Variants in NYAP2 observed in about 807,000 individuals in gnomAD.
NYAP2 encodes neuronal tyrosine-phosphorylated phosphoinositide-3-kinase adaptor 2.
A neutral mutation model predicts 50.4 loss-of-function variants in NYAP2; 23 were observed. The ratio of observed to expected loss-of-function variants is 0.46; its 90% CI spans 0.33 to 0.65. The LOEUF (loss-of-function observed/expected upper bound fraction) is 0.65, where lower values mean the gene tolerates loss of function less well. Among genes scored for constraint, NYAP2 ranks in the 30% least tolerant of loss-of-function variants. NYAP2 has a pLI of 0.02. For synonymous variants in NYAP2, 394 were observed against 365.2 expected, an observed-to-expected ratio of 1.08 and a Z score of -0.90; for missense variants, 885 against 861.0, an observed-to-expected ratio of 1.03 and a Z score of -0.35.
intron 3 of NYAP2, among the ~76,000 whole-genome samples, chr2:225,442,184 C>T (rs1689482541): frequency 6.6e-6 from 1 of 152,062 alleles, no homozygotes; most frequent in Non-Finnish European, 1.5e-5. Flanking sequence ...TGTTCCAATA[C>T]AGGAGTTAGG....
chr2:225,540,801 T>G (rs943127438), intron 4 of NYAP2, among the ~76,000 whole-genome samples: 1 of 152,222 alleles, frequency 6.6e-6, no homozygotes, highest in Non-Finnish European at 1.5e-5. Flanking sequence ...GGATATATAC[T>G]TAGTTGTGGG....
chr2:225,414,675 A>G (rs1657942311), intron 3 of NYAP2, among the ~76,000 whole-genome samples: 1 of 152,024 alleles, frequency 6.6e-6, no homozygotes, highest in Non-Finnish European at 1.5e-5. Flanking sequence ...GTATCTGTGA[A>G]CACCTTCCTT....
rs77038486 is a variant in NYAP2 at position 225,445,911 on chromosome 2, C to A, written c.221+36810C>A. On this transcript the variant is annotated intron_variant, in intron 3 of 6. Transcript: ENST00000636099. ...TTTACTTATTAGTAATAATATTCAA[C>A]CTTATATTGGGCTATATCACCTTTC... Among the ~76,000 whole-genome samples, 283 of 152,048 alleles carry A rather than the reference C, an allele frequency of 1.9e-3. 1 individual carries two copies. The highest frequency in any genetic ancestry group is 6.6e-3 in the African/African-American group (272 of 41,478).
chr2:225,471,603 G>A (rs1367542241), intron 3 of NYAP2, among the ~76,000 whole-genome samples: 1 of 152,182 alleles, frequency 6.6e-6, no homozygotes, highest in Non-Finnish European at 1.5e-5. Context: ...CTGCATGGCT[G>A]CAGTTGATTT....
At chr2:225,671,970 A>G in the NYAP2 span, among the ~76,000 whole-genome samples, 1 of 152,108 alleles carries the variant, frequency 6.6e-6, no homozygotes, top group African/African-American at 2.4e-5. Context: ...TGCTGTAAAC[A>G]GATGTACTGG....
intron 2 of NYAP2, among the ~76,000 whole-genome samples, chr2:225,402,144 T>C (rs1430329764): frequency 2.0e-5 from 3 of 151,974 alleles, no homozygotes. Context: ...AGGGACTATG[T>C]GAAGGACATA....
intron 4 of NYAP2, among the ~76,000 whole-genome samples, chr2:225,533,572 C>T (rs971296682): frequency 2.6e-5 from 4 of 151,970 alleles, no homozygotes; most frequent in African/African-American, 9.7e-5. Flanking sequence ...ACCTGTGGTC[C>T]CAGGTACTTC....
Position 225,412,255 on chromosome 2 carries a change from CTTTTTTTTTTTT to C in NYAP2, c.221+3169_221+3180del, listed in dbSNP as rs560637948. Reference sequence around the variant, plus strand: ...TACAGGCGTGAGCCACTGCGCCCGGCTTTTTTTTTTTTTTTTTTTTTTTTTTAACAAAAATTT... The same window carrying C: ...TACAGGCGTGAGCCACTGCGCCCGGCTTTTTTTTTTTTTTAACAAAAATTT... On this transcript the variant is annotated intron_variant, in intron 3 of 6. Coordinates refer to ENST00000636099, the Ensembl canonical transcript of NYAP2. 1.4e-3 allele frequency among the ~76,000 whole-genome samples: 85 copies of C among 59,156 alleles called. 3 individuals carry two copies. The highest frequency in any genetic ancestry group is 0.012 in the Admixed American group (40 of 3,428). 38.8% of individuals were successfully genotyped at this position (59,156 alleles called of 152,430 possible).
At chr2:225,613,649 G>T (rs1692937130) in intron 5 of NYAP2, among the ~76,000 whole-genome samples, 1 of 152,148 alleles carries the variant, frequency 6.6e-6, no homozygotes, top group Non-Finnish European at 1.5e-5. Context: ...TAACAGTGTT[G>T]ATGCTGCTGC....
At chr2:225,628,465 G>T (rs960658638) in intron 6 of NYAP2, among the ~76,000 whole-genome samples, 3 of 151,818 alleles carry the variant, frequency 2.0e-5, no homozygotes, top group African/African-American at 7.3e-5. Flanking sequence ...GGGCTTACAG[G>T]TGCCCACCAC....
chr2:225,421,723 A>G (rs1028883251), intron 3 of NYAP2, among the ~76,000 whole-genome samples: 14 of 152,244 alleles, frequency 9.2e-5, no homozygotes, highest in African/African-American at 3.1e-4. Context: ...TGGCCTCTGG[A>G]TAATGAAGCA....
At chr2:225,486,705 C>T (rs1382174655) in intron 3 of NYAP2, among the ~76,000 whole-genome samples, 1 of 152,198 alleles carries the variant, frequency 6.6e-6, no homozygotes, top group African/African-American at 2.4e-5. Context: ...AGAAACCCAT[C>T]AGGGCCTACT....
intron 6 of NYAP2, among the ~76,000 whole-genome samples, chr2:225,632,586 T>C (rs1693340894): frequency 6.6e-6 from 1 of 152,212 alleles, no homozygotes; most frequent in Admixed American, 6.5e-5. Flanking sequence ...GTTGCTGGGG[T>C]ACTTCGTTAA....
chr2:225,402,151 C>T (rs1034062880), intron 2 of NYAP2, among the ~76,000 whole-genome samples: 1 of 151,908 alleles, frequency 6.6e-6, no homozygotes, highest in African/African-American at 2.4e-5. Flanking sequence ...ATGTGAAGGA[C>T]ATAGACAGTT....
intron 3 of NYAP2, among the ~76,000 whole-genome samples, chr2:225,431,978 T>C (rs1221501382): frequency 2.6e-5 from 4 of 152,000 alleles, no homozygotes; most frequent in Admixed American, 2.0e-4. Flanking sequence ...GTTGTTTGTT[T>C]GTTTGTTTTG....
chr2:225,663,545 A>C, the NYAP2 span, among the ~76,000 whole-genome samples: 79 of 151,526 alleles, frequency 5.2e-4, no homozygotes, highest in Admixed American at 9.2e-4. Context: ...CACCCACCAC[A>C]GTTCTTTCTC....
At chr2:225,540,657 T>A (rs915904999) in intron 4 of NYAP2, among the ~76,000 whole-genome samples, 51 of 152,326 alleles carry the variant, frequency 3.3e-4, no homozygotes, top group African/African-American at 1.2e-3. Context: ...ATTGTGTATA[T>A]GTACCATGTT....
chr2:225,454,202 T>C (rs537397142), intron 3 of NYAP2, among the ~76,000 whole-genome samples: 6 of 151,994 alleles, frequency 3.9e-5, no homozygotes, highest in Non-Finnish European at 8.8e-5. Context: ...GGCATGTGCC[T>C]GAAATCCCAG....
At chr2:225,649,491 C>T (rs889250235) in intron 6 of NYAP2, among the ~76,000 whole-genome samples, 6 of 152,166 alleles carry the variant, frequency 3.9e-5, no homozygotes, top group East Asian at 1.9e-4. Flanking sequence ...GCACCCTCTA[C>T]GTCTTCCTTC....
Sources: gnomAD v4.1 joint callset for allele counts (sites outside exome capture counted in the v4.1 genomes callset) on GRCh38, gnomAD v4.1.1 for gene constraint, MANE v1.5 for transcripts, NCBI Gene and HGNC (gene_info 2026-07-23, HGNC 2026-07-21) for gene names.